Variants in STXBP5 observed in about 807,000 individuals in gnomAD.
STXBP5 encodes the protein syntaxin binding protein 5, also known as syntaxin-binding protein 5.
In STXBP5, 50 loss-of-function variants were observed where a neutral mutation model predicts 152.4. That is an observed-to-expected ratio of 0.33 (90% CI 0.26 to 0.42). The LOEUF (loss-of-function observed/expected upper bound fraction) is 0.42. Ranked by LOEUF, STXBP5 falls within the 10% of genes least tolerant of loss-of-function variation. STXBP5 has a pLI of 1.00. For synonymous variants in STXBP5, 492 were observed against 494.7 expected, an observed-to-expected ratio of 0.99 and a Z score of 0.07; for missense variants, 1,167 against 1,388.6, an observed-to-expected ratio of 0.84 and a Z score of 2.54.
At position 147,359,022 on chromosome 6, in the gene STXBP5, AAAC is replaced by A. The variant is rs1369629579; in HGVS notation, c.2306-57_2306-55del. The A allele has an allele frequency of 1.1e-5, 17 of 1,557,048 alleles. No individual in the cohort carries two copies. The South Asian group carries it at 1.7e-4, about 16-fold the overall frequency. On this transcript the variant is annotated intron_variant, in intron 22 of 27. Coordinates refer to ENST00000321680, the MANE Select transcript of STXBP5 (RefSeq NM_001127715.4). ...ACTATTTGACCAAATTTATATTAAA[AAAC>A]AACACAAATAACTTCTTTTATAACT...
chr6:147,287,566 T>C (rs1781046517), intron 8 of STXBP5, among the ~76,000 whole-genome samples: 1 of 152,224 alleles, frequency 6.6e-6, no homozygotes, highest in East Asian at 1.9e-4. Flanking sequence ...TTTTGCATCT[T>C]AATCACTGTA....
In STXBP5 at chr6:147,262,357, G is replaced by T. The variant is rs1194847742; in HGVS notation, c.630+4G>T. The T allele has an allele frequency of 6.5e-7, 1 of 1,545,634 alleles. No individual in the cohort carries two copies. The highest frequency in any genetic ancestry group is 8.7e-7 in the Non-Finnish European group (1 of 1,147,248). On this transcript the variant is annotated splice_donor_region_variant and intron_variant, in intron 6 of 27. Coordinates refer to ENST00000321680, the MANE Select transcript of STXBP5 (RefSeq NM_001127715.4). ...TAATCCAATGGACGAGGGAAAGGTA[G>T]AATTTTTTGTAAAAAATTATATATT...
At chr6:147,291,583 C>G (rs1385535622) in intron 9 of STXBP5, among the ~76,000 whole-genome samples, 1 of 151,992 alleles carries the variant, frequency 6.6e-6, no homozygotes, top group East Asian at 1.9e-4. Context: ...ATATGAGTAT[C>G]TGCCAATTAT....
chr6:147,271,343 C>T (rs1317474158), intron 7 of STXBP5, among the ~76,000 whole-genome samples: 1 of 151,996 alleles, frequency 6.6e-6, no homozygotes, highest in African/African-American at 2.4e-5. Flanking sequence ...GAGTGTTTCA[C>T]CCACCAACAG....
chr6:147,266,050 G>A (rs1407178108), intron 6 of STXBP5, among the ~76,000 whole-genome samples: 1 of 152,030 alleles, frequency 6.6e-6, no homozygotes, highest in Middle Eastern at 3.2e-3. Context: ...AGGCAAAAAG[G>A]ATGACATTCA....
chr6:147,339,141 C>T, intron 19 of STXBP5, 38 bp from the exon 20 acceptor site: 2 of 1,488,894 alleles, frequency 1.3e-6, no homozygotes, highest in Non-Finnish European at 9.0e-7. Flanking sequence ...TTATGACTGA[C>T]CATCTACCTA....
chr6:147,314,286 A>T lies in STXBP5; in HGVS notation c.1316A>T (p.Asn439Ile). The T allele has an allele frequency of 6.2e-7, 1 of 1,612,614 alleles. No individual in the cohort carries two copies. Among genetic ancestry groups the T allele is most frequent in the Middle Eastern group, 1.7e-4 (1 of 6,056 alleles). ...TAGGAATGGCCCATCAACGGAGGTA[A>T]TTGGGGCTTGGGTGCTCAAAGTTAC... Reference protein sequence around the residue: ...SKKEWPINGGNWGLGAQSYPE... With the variant: ...SKKEWPINGGIWGLGAQSYPE... Residue 439 changes from asparagine to isoleucine, a missense_variant, in exon 13 of 28, where the codon AAT becomes ATT. Physicochemically the swap from Asn to Ile is moderately radical, Grantham distance 149. Transcript: ENST00000321680.
intron 4 of STXBP5, among the ~76,000 whole-genome samples, chr6:147,241,844 T>A (rs1380153147): frequency 6.6e-6 from 1 of 152,222 alleles, no homozygotes; most frequent in Non-Finnish European, 1.5e-5. Context: ...TGCTACCAGT[T>A]GTCTAAAAGT....
At chr6:147,367,704 A>G (rs533285287) in intron 25 of STXBP5, among the ~76,000 whole-genome samples, 1 of 152,090 alleles carries the variant, frequency 6.6e-6, no homozygotes, top group Non-Finnish European at 1.5e-5. Flanking sequence ...AAAAAAAATA[A>G]TAAACATCCA....
At chr6:147,369,930 T>G (rs1038807279) in intron 25 of STXBP5, among the ~76,000 whole-genome samples, 1 of 151,630 alleles carries the variant, frequency 6.6e-6, no homozygotes, top group Non-Finnish European at 1.5e-5. Context: ...ACTCATTTTT[T>G]TTAAATTAAA....
intron 4 of STXBP5, among the ~76,000 whole-genome samples, chr6:147,247,852 T>C (rs182852395): frequency 3.8e-4 from 58 of 152,330 alleles, no homozygotes; most frequent in African/African-American, 1.3e-3. Context: ...AGGGGAAATA[T>C]ATTTAAAGAG....
At chr6:147,288,957 A>G (rs1398455133) in intron 8 of STXBP5, among the ~76,000 whole-genome samples, 2 of 152,122 alleles carry the variant, frequency 1.3e-5, no homozygotes, top group Non-Finnish European at 2.9e-5. Flanking sequence ...GAACACGTGC[A>G]GTGTGTTTAG....
chr6:147,389,654 A>G lies in STXBP5; in HGVS notation c.*4899A>G, dbSNP rs532340706. On this transcript the variant is annotated 3_prime_UTR_variant, in exon 28 of 28. Coordinates refer to ENST00000321680, the MANE Select transcript of STXBP5 (RefSeq NM_001127715.4). ...TTCAAATGGATATAGGTTAATGGCA[A>G]TGGAATCCTATTTATTTGGTAGTTG... The G allele has an allele frequency of 2.0e-5, 3 of 152,006 alleles. No homozygotes were observed. Among genetic ancestry groups the G allele is most frequent in the Admixed American group, 6.6e-5 (1 of 15,236 alleles). 9.4% of individuals were successfully genotyped at this position (152,006 alleles called of 1,614,324 possible).
chr6:147,290,688 C>A (rs1781235167), intron 8 of STXBP5, among the ~76,000 whole-genome samples: 1 of 152,096 alleles, frequency 6.6e-6, no homozygotes, highest in Admixed American at 6.6e-5. Flanking sequence ...TAGCATAGGG[C>A]TTAATATTGC....
At chr6:147,325,593 G>GT (rs1783210011) in intron 17 of STXBP5, among the ~76,000 whole-genome samples, 1 of 152,150 alleles carries the variant, frequency 6.6e-6, no homozygotes, top group African/African-American at 2.4e-5. Flanking sequence ...GCCATATAGT[G>GT]TTAATTATAC....
chr6:147,237,455 T>C (rs1379868849), intron 3 of STXBP5, among the ~76,000 whole-genome samples: 1 of 152,206 alleles, frequency 6.6e-6, no homozygotes, highest in Non-Finnish European at 1.5e-5. Flanking sequence ...GCTCTATGTC[T>C]TCTCTTCTTC....
chr6:147,301,186 A>C (rs1562472387), intron 9 of STXBP5, among the ~76,000 whole-genome samples: 2 of 152,280 alleles, frequency 1.3e-5, no homozygotes, highest in South Asian at 4.1e-4. Context: ...GAACCTATAC[A>C]TATAGTTGAT....
rs189735549 is a variant in STXBP5, at chr6:147,339,304, T to C, written c.2207-33T>C. 488 of 1,514,024 alleles carry C rather than the reference T, an allele frequency of 3.2e-4. 4 individuals are homozygous for C. The highest frequency in any genetic ancestry group is 3.8e-5 in the Non-Finnish European group (43 of 1,135,314). The allele number at this position is 1,514,024 out of a possible 1,614,324, so 93.8% of individuals were successfully genotyped here. On this transcript the variant is annotated intron_variant, in intron 20 of 27. Transcript: ENST00000321680. ...ATTTATTTAGTTTACTTTGACTAGATTTTGACATTTTATATCAAAATATTG... is the reference window on the plus strand; with the variant it reads ...ATTTATTTAGTTTACTTTGACTAGACTTTGACATTTTATATCAAAATATTG...
At chr6:147,274,885 T>C (rs780657366) in intron 7 of STXBP5, among the ~76,000 whole-genome samples, 2 of 152,042 alleles carry the variant, frequency 1.3e-5, no homozygotes, top group Non-Finnish European at 2.9e-5. Context: ...AATTAGTATA[T>C]GTGTAATGTA....
Sources: gnomAD v4.1 joint callset for allele counts (sites outside exome capture counted in the v4.1 genomes callset) on GRCh38, gnomAD v4.1.1 for gene constraint, MANE v1.5 for transcripts, NCBI Gene and HGNC (gene_info 2026-07-23, HGNC 2026-07-21) for gene names.